Variants in FBXL17 observed in about 807,000 individuals in gnomAD.
FBXL17 encodes F-box and leucine rich repeat protein 17, also known as F-box/LRR-repeat protein 17.
Under a neutral mutation model 66.2 loss-of-function variants are expected in FBXL17, and 22 were observed. That is an observed-to-expected ratio of 0.33 (90% CI 0.24 to 0.47). FBXL17 has a LOEUF of 0.47. Ranked by LOEUF, FBXL17 falls within the 20% of genes least tolerant of loss-of-function variation. FBXL17 has a pLI of 1.00. For synonymous variants in FBXL17, 474 were observed against 400.5 expected, an observed-to-expected ratio of 1.18 and a Z score of -2.19; for missense variants, 878 against 948.2, an observed-to-expected ratio of 0.93 and a Z score of 0.97.
intron 6 of FBXL17, among the ~76,000 whole-genome samples, chr5:108,109,970 G>T (rs1749966924): frequency 6.6e-6 from 1 of 152,066 alleles, no homozygotes; most frequent in Non-Finnish European, 1.5e-5. Flanking sequence ...TCCTTATAAT[G>T]AATATTTCCA....
chr5:108,369,218 G>C (rs993681782), intron 1 of FBXL17, among the ~76,000 whole-genome samples: 2 of 152,168 alleles, frequency 1.3e-5, no homozygotes, highest in Admixed American at 1.3e-4. Context: ...GGTGTAAATT[G>C]AGTATTCAGT....
At chr5:108,083,550 C>G (rs1446928711) in intron 6 of FBXL17, among the ~76,000 whole-genome samples, 1 of 149,802 alleles carries the variant, frequency 6.7e-6, no homozygotes, top group Non-Finnish European at 1.5e-5. Flanking sequence ...CAGGTGCATC[C>G]CACCATATTT....
intron 3 of FBXL17, among the ~76,000 whole-genome samples, chr5:108,353,441 A>G (rs1747771768): frequency 6.6e-6 from 1 of 152,214 alleles, no homozygotes. Context: ...GACAACACTC[A>G]TGCTTTTGTG....
chr5:107,975,691 T>C (rs935997902), intron 7 of FBXL17, among the ~76,000 whole-genome samples: 4 of 152,130 alleles, frequency 2.6e-5, no homozygotes, highest in Non-Finnish European at 4.4e-5. Context: ...ATTTGACTTA[T>C]TAATTGAAAT....
intron 7 of FBXL17, among the ~76,000 whole-genome samples, chr5:107,973,258 T>C (rs1752443575): frequency 6.6e-6 from 1 of 152,194 alleles, no homozygotes; most frequent in South Asian, 2.1e-4. Flanking sequence ...TTGTCCAACC[T>C]GTGGCCTGTG....
At chr5:108,106,781 G>A (rs1749813361) in intron 6 of FBXL17, among the ~76,000 whole-genome samples, 1 of 152,170 alleles carries the variant, frequency 6.6e-6, no homozygotes, top group East Asian at 1.9e-4. Context: ...ATGGGTTACA[G>A]AATTTCTTTT....
intron 7 of FBXL17, among the ~76,000 whole-genome samples, chr5:107,967,382 T>C (rs1050117593): frequency 6.6e-6 from 1 of 152,066 alleles, no homozygotes; most frequent in East Asian, 1.9e-4. Flanking sequence ...TTGACCAATG[T>C]TGACAGCTAA....
intron 6 of FBXL17, among the ~76,000 whole-genome samples, chr5:108,046,521 C>T (rs1396063633): frequency 6.6e-6 from 1 of 152,088 alleles, no homozygotes; most frequent in Non-Finnish European, 1.5e-5. Context: ...TTGCATTTGT[C>T]TGTTTTCTCT....
intron 7 of FBXL17, among the ~76,000 whole-genome samples, chr5:107,979,972 T>C (rs577013602): frequency 6.6e-6 from 1 of 152,340 alleles, no homozygotes; most frequent in South Asian, 2.1e-4. Flanking sequence ...TCTGGTATGC[T>C]CTGACAAATC....
At chr5:108,086,176 T>C (rs570153009) in intron 6 of FBXL17, among the ~76,000 whole-genome samples, 5 of 151,446 alleles carry the variant, frequency 3.3e-5, no homozygotes, top group African/African-American at 1.2e-4. Flanking sequence ...TCCTGCCCCA[T>C]AATTCCTCAA....
At chr5:108,380,578 G>T in intron 1 of FBXL17, 121 bp downstream of exon 1, 2 of 544,576 alleles carry the variant, frequency 3.7e-6, no homozygotes, top group Non-Finnish European at 5.7e-6. Flanking sequence ...CCCTTGGGAC[G>T]TCCCTAGGCT....
At chr5:108,233,748 C>G (rs1310041466) in intron 4 of FBXL17, among the ~76,000 whole-genome samples, 1 of 152,116 alleles carries the variant, frequency 6.6e-6, no homozygotes, top group Non-Finnish European at 1.5e-5. Flanking sequence ...GTCTGTTGTA[C>G]TAGAGTCAAA....
intron 6 of FBXL17, among the ~76,000 whole-genome samples, chr5:108,037,871 C>A (rs1225571237): frequency 1.3e-5 from 2 of 152,062 alleles, no homozygotes; most frequent in African/African-American, 4.8e-5. Context: ...TTTCATATAA[C>A]AAGACATACC....
intron 7 of FBXL17, among the ~76,000 whole-genome samples, chr5:107,921,045 C>A (rs1750301812): frequency 6.6e-6 from 1 of 152,056 alleles, no homozygotes; most frequent in African/African-American, 2.4e-5. Flanking sequence ...TAGATAGCTG[C>A]ATGAAAATTC....
At chr5:107,979,536 G>A (rs968045578) in intron 7 of FBXL17, among the ~76,000 whole-genome samples, 1 of 152,218 alleles carries the variant, frequency 6.6e-6, no homozygotes, top group Non-Finnish European at 1.5e-5. Flanking sequence ...CCTTTGGAAA[G>A]CTGGTTCTCC....
chr5:108,105,755 TTAA>T (rs1008054737), intron 6 of FBXL17, among the ~76,000 whole-genome samples: 6 of 100,288 alleles, frequency 6.0e-5, no homozygotes, highest in African/African-American at 1.9e-4. Context: ...ACAACTAACT[TTAA>T]CATTAACTAC....
intron 8 of FBXL17, among the ~76,000 whole-genome samples, chr5:107,871,057 C>CAAAAAAAAAAAAAAA (rs201752049): frequency 0.029 from 1,923 of 65,534 alleles, 226 homozygotes; most frequent in Non-Finnish European, 0.038. Flanking sequence ...TCTTGGGCGG[C>CAAAAAAAAAAAAAAA]AAAAAAAAAA....
chr5:108,073,560 T>C (rs1748422967), intron 6 of FBXL17, among the ~76,000 whole-genome samples: 1 of 152,080 alleles, frequency 6.6e-6, no homozygotes, highest in African/African-American at 2.4e-5. Flanking sequence ...AATAAAAATA[T>C]ACAGCAAGTA....
intron 6 of FBXL17, among the ~76,000 whole-genome samples, chr5:108,170,687 C>T (rs559897707): frequency 6.6e-6 from 1 of 152,212 alleles, no homozygotes; most frequent in Non-Finnish European, 1.5e-5. Context: ...GTGTCTGCCA[C>T]CAGGCCCGGC....
Sources: allele counts gnomAD v4.1 joint callset (sites outside exome capture counted in the v4.1 genomes callset), GRCh38; gene constraint gnomAD v4.1.1; transcripts MANE v1.5; gene names NCBI Gene and HGNC (gene_info 2026-07-23, HGNC 2026-07-21).